The following LRRC37A2 variants were observed in gnomAD, a reference collection of about 807,000 sequenced individuals.
LRRC37A2 encodes the protein leucine-rich repeat-containing protein 37A2.
Under a neutral mutation model 68.8 loss-of-function variants are expected in LRRC37A2, and 9 were observed. That is an observed-to-expected ratio of 0.13 (90% CI 0.08 to 0.23). The LOEUF is 0.23. LRRC37A2 is among the 10% of genes least tolerant of loss of function. The pLI is 1.00. For synonymous variants in LRRC37A2, 63 were observed against 367.6 expected, an observed-to-expected ratio of 0.17 and a Z score of 9.48; for missense variants, 168 against 950.4, an observed-to-expected ratio of 0.18 and a Z score of 10.82.
the LRRC37A2 span, among the ~76,000 whole-genome samples, chr17:46,463,866 C>CAA: frequency 9.2e-3 from 810 of 87,782 alleles, 214 homozygotes; most frequent in Non-Finnish European, 0.015. Context: ...ATCCCGTCTT[C>CAA]AAAAAAAAAA....
the LRRC37A2 span, among the ~76,000 whole-genome samples, chr17:46,500,607 GTAGGCCTGGGTT>G: frequency 6.6e-6 from 1 of 150,848 alleles, no homozygotes; most frequent in East Asian, 1.9e-4. Context: ...TCCTGATTTA[GTAGGCCTGGGTT>G]TAGGCCTGAG....
At chr17:46,957,605 T>G in the LRRC37A2 span, among the ~76,000 whole-genome samples, 11 of 144,306 alleles carry the variant, frequency 7.6e-5, no homozygotes, top group African/African-American at 2.5e-4. Context: ...AGAGTGAGAC[T>G]TGGTCTCAAA....
the LRRC37A2 span, among the ~76,000 whole-genome samples, chr17:46,893,609 C>A: frequency 6.6e-6 from 1 of 152,026 alleles, no homozygotes. Context: ...GAGGGCAGGA[C>A]CCCCTTGACT....
At chr17:46,883,225 G>A in the LRRC37A2 span, among the ~76,000 whole-genome samples, 6 of 149,242 alleles carry the variant, frequency 4.0e-5, no homozygotes, top group East Asian at 2.0e-4. Context: ...CTCGTGATCC[G>A]CCCACCTCAG....
At chr17:46,923,167 G>C in the LRRC37A2 span, 54 of 1,478,622 alleles carry the variant, frequency 3.7e-5, no homozygotes, top group African/African-American at 5.0e-4. Flanking sequence ...GCCAGAGCCG[G>C]AGCCGTGGCC....
At chr17:47,001,875 C>T in the LRRC37A2 span, among the ~76,000 whole-genome samples, 1 of 151,978 alleles carries the variant, frequency 6.6e-6, no homozygotes, top group Non-Finnish European at 1.5e-5. Flanking sequence ...GCACCTGCCA[C>T]CACGCCCAGC....
chr17:47,023,340 T>C, the LRRC37A2 span, among the ~76,000 whole-genome samples: 1 of 152,178 alleles, frequency 6.6e-6, no homozygotes, highest in Non-Finnish European at 1.5e-5. Flanking sequence ...ACAGTTTGTG[T>C]GTCACATCAT....
At chr17:47,010,077 C>G in the LRRC37A2 span, among the ~76,000 whole-genome samples, 1 of 152,132 alleles carries the variant, frequency 6.6e-6, no homozygotes, top group East Asian at 1.9e-4. Context: ...AACTTGTTCG[C>G]AAGTAGGGAC....
At chr17:46,557,562 G>A (rs1302227300), downstream of LRRC37A2, 1 of 398,466 alleles carries the variant, frequency 2.5e-6, no homozygotes, top group Non-Finnish European at 4.0e-6. Context: ...AATTCCACGT[G>A]ACTACATTTT....
chr17:47,011,947 C>A, the LRRC37A2 span, among the ~76,000 whole-genome samples: 1 of 152,096 alleles, frequency 6.6e-6, no homozygotes, highest in Non-Finnish European at 1.5e-5. Context: ...GTCTGGTTAT[C>A]CATTGTATAG....
chr17:46,458,531 C>CTTTTTTTTTTTTT, the LRRC37A2 span, among the ~76,000 whole-genome samples: 4 of 39,918 alleles, frequency 1.0e-4, 1 homozygote, highest in Non-Finnish European at 2.2e-4. Flanking sequence ...TCTTCTTCTT[C>CTTTTTTTTTTTTT]TTTTTTTTTT....
the LRRC37A2 span, among the ~76,000 whole-genome samples, chr17:46,657,227 A>G: frequency 9.9e-6 from 1 of 100,844 alleles, no homozygotes; most frequent in Non-Finnish European, 2.2e-5. Flanking sequence ...TGCTGAATCA[A>G]AAAGGATTCA....
At chr17:46,950,387 AAAG>A in the LRRC37A2 span, among the ~76,000 whole-genome samples, 6 of 152,178 alleles carry the variant, frequency 3.9e-5, no homozygotes, top group East Asian at 1.9e-4. Flanking sequence ...AGGGGAGGGA[AAAG>A]AAGGAGATGG....
At chr17:46,890,999 G>A in the LRRC37A2 span, among the ~76,000 whole-genome samples, 4 of 152,162 alleles carry the variant, frequency 2.6e-5, no homozygotes, top group East Asian at 1.9e-4. Context: ...GAGGCACAGC[G>A]AAATGAAAAG....
At chr17:46,726,656 T>G in the LRRC37A2 span, 1 of 1,507,096 alleles carries the variant, frequency 6.6e-7, no homozygotes, top group Non-Finnish European at 9.2e-7. Context: ...TTTGCCACAT[T>G]ACAGCTAATA....
the LRRC37A2 span, chr17:46,940,898 A>G: frequency 4.4e-6 from 6 of 1,373,610 alleles, no homozygotes; most frequent in Non-Finnish European, 5.7e-6. Context: ...TTCTCTTCAC[A>G]CATCTGCTTT....
the LRRC37A2 span, chr17:46,978,582 G>A: frequency 6.6e-7 from 1 of 1,520,284 alleles, no homozygotes; most frequent in Non-Finnish European, 8.8e-7. Context: ...AGAGCGGGGC[G>A]AGGGTCCGGG....
the LRRC37A2 span, among the ~76,000 whole-genome samples, chr17:46,895,872 G>A: frequency 6.6e-6 from 1 of 152,188 alleles, no homozygotes; most frequent in East Asian, 1.9e-4. Flanking sequence ...GGATCCAGGA[G>A]ACAAGTGGGA....
the LRRC37A2 span, among the ~76,000 whole-genome samples, chr17:46,824,703 G>A: frequency 6.6e-6 from 1 of 152,236 alleles, no homozygotes; most frequent in Non-Finnish European, 1.5e-5. Context: ...CGAAAACACT[G>A]TTGATGATGG....
Sources: allele counts gnomAD v4.1 joint callset (sites outside exome capture counted in the v4.1 genomes callset), GRCh38; gene constraint gnomAD v4.1.1; transcripts MANE v1.5; gene names NCBI Gene and HGNC (gene_info 2026-07-23, HGNC 2026-07-21).